CNTNAP2: variants seen among roughly 807,000 people sequenced by gnomAD.
CNTNAP2 encodes the protein contactin associated protein 2.
In CNTNAP2, 98 loss-of-function variants were observed where a neutral mutation model predicts 155.2. The ratio of observed to expected loss-of-function variants is 0.63; its 90% CI spans 0.54 to 0.75. The LOEUF is 0.75. Ranked by LOEUF, CNTNAP2 falls within the 30% of genes least tolerant of loss-of-function variation. CNTNAP2 has a pLI of 0.00. For synonymous variants in CNTNAP2, 651 were observed against 631.2 expected, an observed-to-expected ratio of 1.03 and a Z score of -0.47; for missense variants, 1,727 against 1,688.1, an observed-to-expected ratio of 1.02 and a Z score of -0.40.
intron 12 of CNTNAP2, among the ~76,000 whole-genome samples, chr7:147,605,320 C>A (rs1275407496): frequency 6.6e-6 from 1 of 152,064 alleles, no homozygotes; most frequent in East Asian, 1.9e-4. Flanking sequence ...ATTTTAATTA[C>A]TGCAAATGCA....
chr7:148,356,494 G>A (rs1276149340), intron 21 of CNTNAP2, among the ~76,000 whole-genome samples: 2 of 152,352 alleles, frequency 1.3e-5, no homozygotes, highest in Non-Finnish European at 2.9e-5. Flanking sequence ...CTGAGAGCTG[G>A]ACGCCTCTTG....
In CNTNAP2 at chr7:148,372,158, C is replaced by T. The variant is rs577124013; in HGVS notation, c.3476-11491C>T. Among the ~76,000 whole-genome samples the T allele has an allele frequency of 3.9e-5, 6 of 151,954 alleles. No homozygotes were observed. The South Asian group carries it at 1.3e-3, about 32-fold the overall frequency. ...TGGAGGTTGCAGTGAGTCAATATCA[C>T]ACCACTGCACTCCAGCCTGGGGACA... On this transcript the variant is annotated intron_variant, in intron 21 of 23. Coordinates refer to ENST00000361727, the MANE Select transcript of CNTNAP2 (RefSeq NM_014141.6).
chr7:148,174,689 G>A (rs993352545), intron 18 of CNTNAP2, among the ~76,000 whole-genome samples: 7 of 152,128 alleles, frequency 4.6e-5, no homozygotes, highest in African/African-American at 1.4e-4. Flanking sequence ...GAGAATACAC[G>A]CCAAAATATT....
chr7:148,382,039 A>G (rs1453635634), intron 21 of CNTNAP2, among the ~76,000 whole-genome samples: 1 of 152,254 alleles, frequency 6.6e-6, no homozygotes, highest in Non-Finnish European at 1.5e-5. Context: ...CAGTTGAAAC[A>G]CTGGGAATTT....
At chr7:147,855,569 G>T (rs534086501) in intron 13 of CNTNAP2, among the ~76,000 whole-genome samples, 2 of 151,834 alleles carry the variant, frequency 1.3e-5, no homozygotes, top group Non-Finnish European at 2.9e-5. Context: ...GACAGATCAC[G>T]TGAGATCAGG....
At chr7:147,995,723 C>T in intron 15 of CNTNAP2, among the ~76,000 whole-genome samples, 1 of 152,068 alleles carries the variant, frequency 6.6e-6, no homozygotes, top group Non-Finnish European at 1.5e-5. Flanking sequence ...CCATGTTAGC[C>T]AGGATGGTCA....
Position 147,441,044 on chromosome 7 carries a change from A to G in CNTNAP2, c.1671-44891A>G, listed in dbSNP as rs371116762. 2.0e-5 allele frequency among the ~76,000 whole-genome samples: 3 copies of G among 152,236 alleles called. No individual in the cohort carries two copies. The South Asian group carries it at 6.2e-4, about 32-fold the overall frequency. The stretch of plus-strand genomic sequence containing the variant: ...AATTTTTCTTTTATTGTGTCTTTGA[A>G]TAAACCCTCTACCCCTGTCTATTTC... On this transcript the variant is annotated intron_variant, in intron 10 of 23. Coordinates refer to ENST00000361727, the MANE Select transcript of CNTNAP2 (RefSeq NM_014141.6).
intron 10 of CNTNAP2, among the ~76,000 whole-genome samples, chr7:147,453,908 A>G (rs943353412): frequency 6.6e-6 from 1 of 152,190 alleles, no homozygotes; most frequent in East Asian, 1.9e-4. Flanking sequence ...CCACGTATCT[A>G]TATGAGAAAG....
intron 9 of CNTNAP2, among the ~76,000 whole-genome samples, chr7:147,302,447 A>G (rs1483711048): frequency 6.6e-6 from 1 of 152,150 alleles, no homozygotes; most frequent in Non-Finnish European, 1.5e-5. Flanking sequence ...GAGTCAGGAG[A>G]ATATTGATTT....
At chr7:148,277,617 A>G (rs1796895652) in intron 21 of CNTNAP2, among the ~76,000 whole-genome samples, 1 of 123,210 alleles carries the variant, frequency 8.1e-6, no homozygotes, top group South Asian at 2.5e-4. Flanking sequence ...CCCCCTACAC[A>G]GCAACCTCTC....
Position 147,817,543 on chromosome 7 carries a change from G to A in CNTNAP2, c.2099-86022G>A, listed in dbSNP as rs147824837. On this transcript the variant is annotated intron_variant, in intron 13 of 23. Transcript: ENST00000361727. Reference sequence around the variant, plus strand: ...GTGCACCAGGATCTCACAAATCACCGCTGAAGAACTTATTCACGTAATTAA... The same window carrying A: ...GTGCACCAGGATCTCACAAATCACCACTGAAGAACTTATTCACGTAATTAA... Among the ~76,000 whole-genome samples the A allele has an allele frequency of 7.2e-5, 11 of 152,170 alleles. No homozygotes were observed. In the East Asian group the frequency reaches 1.7e-3, roughly 24 times the overall value.
chr7:147,873,474 C>T (rs1343484623), intron 13 of CNTNAP2, among the ~76,000 whole-genome samples: 1 of 152,104 alleles, frequency 6.6e-6, no homozygotes, highest in Non-Finnish European at 1.5e-5. Context: ...AGAGGAACTG[C>T]CCTTTATAAA....
At chr7:146,844,774 T>G (rs1585119064) in intron 3 of CNTNAP2, among the ~76,000 whole-genome samples, 1 of 152,160 alleles carries the variant, frequency 6.6e-6, no homozygotes, top group East Asian at 1.9e-4. Context: ...GTTTTTGTTT[T>G]TCTTTAAAAA....
chr7:148,168,276 A>G (rs988138110), intron 17 of CNTNAP2, among the ~76,000 whole-genome samples: 9 of 152,178 alleles, frequency 5.9e-5, no homozygotes, highest in Middle Eastern at 3.4e-3. Context: ...TGTTTATTGC[A>G]GCACTATTCA....
Position 147,132,360 on chromosome 7 carries a change from A to C in CNTNAP2, c.1199A>C (p.Gln400Pro), listed in dbSNP as rs1801393154. ...CAGGACCTGTTCTCAGTCAGTTTCC[A>C]GTTTAGGACATGGAACCCCAATGGT... ...LNQDLFSVSFQFRTWNPNGLL... is the reference protein window; with the variant it reads ...LNQDLFSVSFPFRTWNPNGLL... The change falls in exon 8 of 24, where the codon CAG (glutamine) becomes CCG (proline). Residue 400 changes from glutamine to proline, a missense_variant. Physicochemically the swap from Gln to Pro is moderately conservative, Grantham distance 76. Coordinates refer to ENST00000361727, the MANE Select transcript of CNTNAP2 (RefSeq NM_014141.6). 6.2e-7 allele frequency: 1 copy of C among 1,613,528 alleles called. No homozygotes were observed. Among genetic ancestry groups the C allele is most frequent in the Non-Finnish European group, 8.5e-7 (1 of 1,179,802 alleles).
intron 13 of CNTNAP2, among the ~76,000 whole-genome samples, chr7:147,722,330 G>A (rs1269066965): frequency 6.6e-6 from 1 of 152,124 alleles, no homozygotes; most frequent in Non-Finnish European, 1.5e-5. Context: ...AATGTCATCA[G>A]CAAGACATTG....
intron 1 of CNTNAP2, among the ~76,000 whole-genome samples, chr7:146,186,157 G>T (rs1238805450): frequency 6.6e-6 from 1 of 151,968 alleles, no homozygotes; most frequent in African/African-American, 2.4e-5. Flanking sequence ...ATTCTACTCT[G>T]CATATTACTG....
chr7:146,578,649 C>T (rs1798562259), intron 1 of CNTNAP2, among the ~76,000 whole-genome samples: 1 of 152,002 alleles, frequency 6.6e-6, no homozygotes, highest in Non-Finnish European at 1.5e-5. Flanking sequence ...TTATAAATAT[C>T]TCCCAAACTT....
chr7:148,339,296 G>T (rs1006004580), intron 21 of CNTNAP2, among the ~76,000 whole-genome samples: 1 of 151,230 alleles, frequency 6.6e-6, no homozygotes, highest in Middle Eastern at 3.2e-3. Flanking sequence ...TGTGTGTATT[G>T]CCCACGGGTG....
Sources: gnomAD v4.1 joint callset for allele counts (sites outside exome capture counted in the v4.1 genomes callset) on GRCh38, gnomAD v4.1.1 for gene constraint, MANE v1.5 for transcripts, NCBI Gene and HGNC (gene_info 2026-07-23, HGNC 2026-07-21) for gene names.